PDLIM5: variants seen among roughly 807,000 people sequenced by gnomAD.
PDLIM5 encodes the protein PDZ and LIM domain 5.
Under a neutral mutation model 64.2 loss-of-function variants are expected in PDLIM5, and 34 were observed. That is an observed-to-expected ratio of 0.53 (90% confidence interval 0.40 to 0.71). The LOEUF (loss-of-function observed/expected upper bound fraction) is 0.71. Among genes scored for constraint, PDLIM5 ranks in the 30% least tolerant of loss-of-function variants. The probability of loss-of-function intolerance (pLI) is 0.00; values close to 1 mark genes in which losing one functional copy is unlikely to be tolerated. For missense variants in PDLIM5, 683 were observed against 733.6 expected (o/e 0.93, Z 0.80); for synonymous variants, 253 against 269.1 (o/e 0.94, Z 0.59).
chr4:94,532,280 G>C (rs1730946068), intron 3 of PDLIM5, among the ~76,000 whole-genome samples: 1 of 152,160 alleles, frequency 6.6e-6, no homozygotes. Context: ...TTATGAGACT[G>C]AATGAAGGGA....
chr4:94,561,285 T>A (rs1733825501), intron 3 of PDLIM5, among the ~76,000 whole-genome samples: 1 of 152,164 alleles, frequency 6.6e-6, no homozygotes, highest in South Asian at 2.1e-4. Context: ...AATTGATCCT[T>A]CCCTTCCTCA....
At chr4:94,508,167 TG>T (rs1728558475) in intron 2 of PDLIM5, among the ~76,000 whole-genome samples, 1 of 152,186 alleles carries the variant, frequency 6.6e-6, no homozygotes, top group Non-Finnish European at 1.5e-5. Flanking sequence ...AGCTGTTTTT[TG>T]TGATTGTGCA....
At chr4:94,497,282 A>G (rs1727483100) in intron 2 of PDLIM5, among the ~76,000 whole-genome samples, 1 of 152,240 alleles carries the variant, frequency 6.6e-6, no homozygotes, top group Admixed American at 6.5e-5. Flanking sequence ...CTTAACAGTA[A>G]TATACTTATG....
intron 1 of PDLIM5, among the ~76,000 whole-genome samples, chr4:94,454,060 T>C (rs1002542910): frequency 6.6e-6 from 1 of 152,202 alleles, no homozygotes; most frequent in Non-Finnish European, 1.5e-5. Context: ...CAAATATCTA[T>C]ATCTGCAACT....
At chr4:94,649,067 C>A (rs1291068082) in intron 9 of PDLIM5, among the ~76,000 whole-genome samples, 1 of 152,076 alleles carries the variant, frequency 6.6e-6, no homozygotes, top group Non-Finnish European at 1.5e-5. Context: ...CCTCCGCCTC[C>A]TGGGTTCAAG....
At chr4:94,600,389 G>GCCT (rs1334769479) in intron 7 of PDLIM5, among the ~76,000 whole-genome samples, 2 of 152,146 alleles carry the variant, frequency 1.3e-5, no homozygotes, top group African/African-American at 2.4e-5. Flanking sequence ...TACTGTGCTG[G>GCCT]CTTTCTCAAG....
At position 94,611,290 on chromosome 4, in the gene PDLIM5, G is replaced by A. The variant is rs1004703928; in HGVS notation, c.921-6714G>A. 4.5e-5 allele frequency: 50 copies of A among 1,120,734 alleles called. 1 individual carries two copies. Among genetic ancestry groups the A allele is most frequent in the Non-Finnish European group, 5.1e-5 (40 of 790,904 alleles). The allele number at this position is 1,120,734 out of a possible 1,614,324, so 69.4% of individuals were successfully genotyped here. On this transcript the variant is annotated intron_variant, in intron 7 of 12. Coordinates refer to ENST00000317968, the MANE Select transcript of PDLIM5 (RefSeq NM_006457.5). ...CCACCACTGTATTAACAGGCCAGGTGAGAACATGCTAGAGTTCTAGGGATT... is the reference window on the plus strand; with the variant it reads ...CCACCACTGTATTAACAGGCCAGGTAAGAACATGCTAGAGTTCTAGGGATT...
chr4:94,538,806 G>A (rs748714693), intron 3 of PDLIM5, among the ~76,000 whole-genome samples: 2 of 152,144 alleles, frequency 1.3e-5, no homozygotes, highest in Non-Finnish European at 2.9e-5. Context: ...ATTCTAGGGT[G>A]CCAAAATGTC....
chr4:94,502,846 C>T, intron 2 of PDLIM5, among the ~76,000 whole-genome samples: 1 of 151,886 alleles, frequency 6.6e-6, no homozygotes, highest in East Asian at 1.9e-4. Context: ...CACTGCACTT[C>T]ATCCTGGACA....
At position 94,660,960 on chromosome 4, in the gene PDLIM5, T is replaced by C. The variant is rs1011377485; in HGVS notation, c.1586-1462T>C. 9.2e-5 allele frequency among the ~76,000 whole-genome samples: 14 copies of C among 152,138 alleles called. No individual in the cohort carries two copies. The Middle Eastern group carries it at 0.01, about 111-fold the overall frequency. ...TAGCCAGGTTTTGGTGGTGGGCACCTGTAATCCCAACTGCTCGGGAGACTG... is the reference window on the plus strand; with the variant it reads ...TAGCCAGGTTTTGGTGGTGGGCACCCGTAATCCCAACTGCTCGGGAGACTG... On this transcript the variant is annotated intron_variant, in intron 11 of 12. Coordinates refer to ENST00000317968, the MANE Select transcript of PDLIM5 (RefSeq NM_006457.5).
chr4:94,631,294 G>C (rs1303561264), intron 8 of PDLIM5, among the ~76,000 whole-genome samples: 1 of 151,992 alleles, frequency 6.6e-6, no homozygotes, highest in Admixed American at 6.6e-5. Context: ...TTTTATTTCA[G>C]GAACCTTGCA....
intron 7 of PDLIM5, among the ~76,000 whole-genome samples, chr4:94,598,760 A>G (rs189201070): frequency 1.3e-5 from 2 of 152,276 alleles, no homozygotes; most frequent in East Asian, 3.9e-4. Context: ...ATAAAGTAAT[A>G]TAGTACAACA....
At chr4:94,586,919 A>G in intron 7 of PDLIM5, 1 of 1,326,140 alleles carries the variant, frequency 7.5e-7, no homozygotes, top group Non-Finnish European at 1.0e-6. Context: ...TTAGTCTAGA[A>G]CCTTTTTCCT....
chr4:94,503,689 T>A (rs1728134791), intron 2 of PDLIM5, among the ~76,000 whole-genome samples: 1 of 152,256 alleles, frequency 6.6e-6, no homozygotes. Flanking sequence ...ACATCTGATT[T>A]ATTTTCCAAC....
chr4:94,613,920 A>G lies in PDLIM5; in HGVS notation c.921-4084A>G, dbSNP rs112274441. ...TGCTAGTGATTATTGATAATATTTT[A>G]TTCCTACATATAAAATAATATGGCC... On this transcript the variant is annotated intron_variant, in intron 7 of 12. Coordinates refer to ENST00000317968, the MANE Select transcript of PDLIM5 (RefSeq NM_006457.5). Among the ~76,000 whole-genome samples the G allele has an allele frequency of 2.9e-3, 427 of 149,278 alleles. 2 individuals are homozygous for G. Among genetic ancestry groups the G allele is most frequent in the African/African-American group, 0.01 (410 of 40,638 alleles).
chr4:94,651,164 A>T (rs1158756807), intron 9 of PDLIM5, among the ~76,000 whole-genome samples: 1 of 152,200 alleles, frequency 6.6e-6, no homozygotes. Context: ...TATGTGAAAG[A>T]TTAATTTTAT....
chr4:94,484,107 T>C (rs1726106535), intron 2 of PDLIM5, among the ~76,000 whole-genome samples: 2 of 152,196 alleles, frequency 1.3e-5, no homozygotes, highest in Admixed American at 6.5e-5. Context: ...TGAAGTGTGT[T>C]ACCAATCTGA....
chr4:94,528,096 T>C (rs1730536732), intron 3 of PDLIM5, among the ~76,000 whole-genome samples: 1 of 152,184 alleles, frequency 6.6e-6, no homozygotes, highest in South Asian at 2.1e-4. Context: ...CACTCATCAC[T>C]GAATGCCCTT....
chr4:94,520,192 A>G (rs1051353700), intron 2 of PDLIM5, among the ~76,000 whole-genome samples: 1 of 152,188 alleles, frequency 6.6e-6, no homozygotes, highest in Non-Finnish European at 1.5e-5. Flanking sequence ...TTGAAGAAGC[A>G]CTCAGCTACA....
Sources: allele counts gnomAD v4.1 joint callset (sites outside exome capture counted in the v4.1 genomes callset), GRCh38; gene constraint gnomAD v4.1.1; transcripts MANE v1.5; gene names NCBI Gene and HGNC (gene_info 2026-07-23, HGNC 2026-07-21).